Variants in ANKRD29 observed in about 807,000 individuals in gnomAD.
ANKRD29 encodes the protein ankyrin repeat domain 29.
In ANKRD29, 32 loss-of-function variants were observed where a neutral mutation model predicts 38.0. The observed-to-expected ratio is 0.84, with a 90% CI of 0.64 to 1.13. The LOEUF is 1.13. Among genes scored for constraint, ANKRD29 ranks in the 50% most tolerant of loss-of-function variants. ANKRD29 has a pLI of 0.00. For missense variants in ANKRD29, 357 were observed against 377.9 expected (o/e 0.94, Z 0.46); for synonymous variants, 135 against 152.4 (o/e 0.89, Z 0.84).
intron 4 of ANKRD29, among the ~76,000 whole-genome samples, chr18:23,635,186 T>C (rs1370853850): frequency 6.6e-6 from 1 of 151,706 alleles, no homozygotes; most frequent in Non-Finnish European, 1.5e-5. Flanking sequence ...GGAAGATCAA[T>C]TGAGCCCAGG....
intron 6 of ANKRD29, among the ~76,000 whole-genome samples, chr18:23,620,908 A>T (rs2059789382): frequency 6.6e-6 from 1 of 152,124 alleles, no homozygotes; most frequent in African/African-American, 2.4e-5. Context: ...TCGGGAAGGC[A>T]AGGCCACAGT....
intron 9 of ANKRD29, among the ~76,000 whole-genome samples, chr18:23,608,282 C>A (rs776739709): frequency 1.3e-5 from 2 of 152,170 alleles, no homozygotes; most frequent in Non-Finnish European, 2.9e-5. Flanking sequence ...TCCCAACACC[C>A]TTGCCTATGG....
chr18:23,607,960 CT>C (rs2059593904), intron 9 of ANKRD29, among the ~76,000 whole-genome samples: 1 of 152,214 alleles, frequency 6.6e-6, no homozygotes, highest in Non-Finnish European at 1.5e-5. Flanking sequence ...GGTTGGCCTT[CT>C]CCTCAGGCAT....
At chr18:23,646,132 G>A in intron 3 of ANKRD29, 57 bp downstream of exon 3, 1 of 1,529,166 alleles carries the variant, frequency 6.5e-7, no homozygotes, top group Admixed American at 1.7e-5. Context: ...TCACTATCAT[G>A]AAAACTTCAG....
Position 23,613,203 on chromosome 18 carries a change from C to T in ANKRD29, c.724-1013G>A, listed in dbSNP as rs547840050. 1.8e-3 allele frequency among the ~76,000 whole-genome samples: 240 copies of T among 130,766 alleles called. 1 individual carries two copies. The highest frequency in any genetic ancestry group is 2.4e-3 in the Non-Finnish European group (158 of 64,722). 85.8% of individuals were successfully genotyped at this position (130,766 alleles called of 152,430 possible). A position where few individuals can be genotyped will look rare whatever the true frequency, so the allele number is the denominator to read the frequency against. On this transcript the variant is annotated intron_variant, in intron 8 of 9. Coordinates refer to ENST00000592179, the MANE Select transcript of ANKRD29 (RefSeq NM_173505.4). Reference sequence around the variant, plus strand: ...TTTTTTTTTTTTGGAGACAGTGTCTCGCTCTGTCTCCCAGGCTGGAGTGCA... The same window carrying T: ...TTTTTTTTTTTTGGAGACAGTGTCTTGCTCTGTCTCCCAGGCTGGAGTGCA...
chr18:23,653,824 G>A (rs550481904), intron 1 of ANKRD29, among the ~76,000 whole-genome samples: 21 of 152,170 alleles, frequency 1.4e-4, no homozygotes, highest in African/African-American at 5.1e-4. Context: ...ACTTGCCTCA[G>A]CCTCCCAAAG....
Position 23,600,300 on chromosome 18 carries a change from C to T in ANKRD29, c.*926G>A, listed in dbSNP as rs1200044544. ...TAGTAATAGCAACATACTGTACTTG[C>T]ATATATCACATTTTATCCAAGGACC... is the stretch of plus-strand genomic sequence containing the variant. On this transcript the variant is annotated 3_prime_UTR_variant, in exon 10 of 10. Transcript: ENST00000592179. 6.6e-6 allele frequency: 1 copy of T among 152,130 alleles called. No homozygotes were observed. Among genetic ancestry groups the T allele is most frequent in the Non-Finnish European group, 1.5e-5 (1 of 68,044 alleles). The allele number at this position is 152,130 out of a possible 1,614,324, so 9.4% of individuals were successfully genotyped here.
chr18:23,662,606 G>A (rs1157912490), intron 1 of ANKRD29, 104 bp downstream of exon 1: 5 of 680,522 alleles, frequency 7.3e-6, no homozygotes, highest in Non-Finnish European at 1.1e-5. Flanking sequence ...GGCGGGCAGC[G>A]GGCAGCGCCC....
At chr18:23,607,514 C>T (rs563100956) in intron 9 of ANKRD29, among the ~76,000 whole-genome samples, 1 of 152,290 alleles carries the variant, frequency 6.6e-6, no homozygotes, top group East Asian at 1.9e-4. Flanking sequence ...AGCCTGCCAG[C>T]GTGTTGCCTT....
At chr18:23,617,173 T>C (rs2059734634) in intron 8 of ANKRD29, among the ~76,000 whole-genome samples, 1 of 152,088 alleles carries the variant, frequency 6.6e-6, no homozygotes, top group Non-Finnish European at 1.5e-5. Flanking sequence ...GCCGAGATCG[T>C]GCCATTGCAC....
At chr18:23,614,930 G>A (rs2059691988) in intron 8 of ANKRD29, among the ~76,000 whole-genome samples, 3 of 152,286 alleles carry the variant, frequency 2.0e-5, no homozygotes, top group African/African-American at 4.8e-5. Context: ...CAGATTTGGT[G>A]TCCTGTATGT....
intron 6 of ANKRD29, among the ~76,000 whole-genome samples, chr18:23,624,314 A>G (rs2059832627): frequency 6.6e-6 from 1 of 151,766 alleles, no homozygotes; most frequent in African/African-American, 2.4e-5. Flanking sequence ...TAAAAATACA[A>G]AAGTTAGCCG....
In ANKRD29 at chr18:23,619,333, T is replaced by C. The variant is rs1286407117; in HGVS notation, c.627+198A>G. 8.6e-6 allele frequency: 5 copies of C among 580,830 alleles called. No individual in the cohort carries two copies. The Admixed American group carries it at 1.1e-4, about 12-fold the overall frequency. The allele number at this position is 580,830 out of a possible 1,614,324, so 36.0% of individuals were successfully genotyped here. Reference sequence around the variant, plus strand: ...CCTAAGGCTAAGATTCCACCCTCTCTAGTGCGTCCCAAGGTCATCTCGGGT... The same window carrying C: ...CCTAAGGCTAAGATTCCACCCTCTCCAGTGCGTCCCAAGGTCATCTCGGGT... On this transcript the variant is annotated intron_variant, in intron 7 of 9. Coordinates refer to ENST00000592179, the MANE Select transcript of ANKRD29 (RefSeq NM_173505.4).
intron 6 of ANKRD29, 108 bp from the exon 7 acceptor site, chr18:23,619,737 C>T: frequency 1.1e-6 from 1 of 870,596 alleles, no homozygotes; most frequent in Non-Finnish European, 1.7e-6. Context: ...CGGGAAGGCA[C>T]TCCCTGACCG....
At chr18:23,647,047 A>G (rs148202778) in intron 2 of ANKRD29, 8 of 152,366 alleles carry the variant, frequency 5.3e-5, no homozygotes, top group South Asian at 2.1e-4. Context: ...CCTGCTGCTC[A>G]GAAGTGGATG....
chr18:23,610,265 C>G (rs1198461109), intron 9 of ANKRD29, among the ~76,000 whole-genome samples: 2 of 151,958 alleles, frequency 1.3e-5, no homozygotes, highest in Non-Finnish European at 2.9e-5. Flanking sequence ...ATCACAAGGT[C>G]AAGAGATGGA....
intron 6 of ANKRD29, among the ~76,000 whole-genome samples, chr18:23,628,095 T>C (rs1200127583): frequency 6.6e-6 from 1 of 152,208 alleles, no homozygotes; most frequent in Non-Finnish European, 1.5e-5. Context: ...AAAACAATTA[T>C]TTAAAATGTG....
At chr18:23,641,196 C>T (rs2060070253) in intron 3 of ANKRD29, among the ~76,000 whole-genome samples, 1 of 152,228 alleles carries the variant, frequency 6.6e-6, no homozygotes, top group Non-Finnish European at 1.5e-5. Flanking sequence ...GCTGGGGCTG[C>T]ATGCTCCTCA....
intron 6 of ANKRD29, among the ~76,000 whole-genome samples, chr18:23,622,671 A>T (rs1213974799): frequency 6.6e-6 from 1 of 152,050 alleles, no homozygotes; most frequent in Non-Finnish European, 1.5e-5. Flanking sequence ...GATTCCAGAG[A>T]TCCTCCTGCC....
Sources: gnomAD v4.1 joint callset for allele counts (sites outside exome capture counted in the v4.1 genomes callset) on GRCh38, gnomAD v4.1.1 for gene constraint, MANE v1.5 for transcripts, NCBI Gene and HGNC (gene_info 2026-07-23, HGNC 2026-07-21) for gene names.